MCF2L: variants seen among roughly 807,000 people sequenced by gnomAD.
The protein encoded by MCF2L is MCF.2 cell line derived transforming sequence like.
Under a neutral mutation model 153.4 loss-of-function variants are expected in MCF2L, and 97 were observed. That is an observed-to-expected ratio of 0.63 (90% CI 0.54 to 0.75). The LOEUF (loss-of-function observed/expected upper bound fraction) is 0.75, where lower values mean the gene tolerates loss of function less well. Ranked by LOEUF, MCF2L falls within the 30% of genes least tolerant of loss-of-function variation. The pLI is 0.00. For missense variants in MCF2L, 1,347 were observed against 1,495.2 expected (o/e 0.90, Z 1.64); for synonymous variants, 659 against 632.2 (o/e 1.04, Z -0.64).
chr13:112,900,848 TGGGGACTGACA>T (rs2081113149), intron 1 of MCF2L, among the ~76,000 whole-genome samples: 1 of 151,942 alleles, frequency 6.6e-6, no homozygotes, highest in South Asian at 2.1e-4. Flanking sequence ...CAAAGCTCCC[TGGGGACTGACA>T]GCAGTGGCCC....
In MCF2L at chr13:112,951,689, T is replaced by G. The variant is rs2081695836; in HGVS notation, c.169+49318T>G. On this transcript the variant is annotated intron_variant, in intron 2 of 29. Coordinates refer to the MCF2L transcript ENST00000375608. The surrounding 1 kb of genome is among the most constrained non-coding windows in gnomAD (Gnocchi z 4.8). Reference sequence around the variant, plus strand: ...GGGTGATCTGGGAGGAACATGGGTGTGTCCAGGAGGGGCCACAAGAGGGTC... The same window carrying G: ...GGGTGATCTGGGAGGAACATGGGTGGGTCCAGGAGGGGCCACAAGAGGGTC... Among the ~76,000 whole-genome samples the G allele has an allele frequency of 6.6e-6, 1 of 152,132 alleles. No individual in the cohort carries two copies. The highest frequency in any genetic ancestry group is 1.5e-5 in the Non-Finnish European group (1 of 68,032).
chr13:113,025,728 T>G (rs1290438381), intron 3 of MCF2L, among the ~76,000 whole-genome samples: 27 of 134,570 alleles, frequency 2.0e-4, no homozygotes, highest in East Asian at 5.3e-4. Flanking sequence ...AGAGTCCCTG[T>G]GAGATTTCAC....
At chr13:112,973,699 TC>T (rs1360082450) in intron 1 of MCF2L, among the ~76,000 whole-genome samples, 1 of 152,196 alleles carries the variant, frequency 6.6e-6, no homozygotes, top group African/African-American at 2.4e-5. Flanking sequence ...CCCGGGGGTT[TC>T]AGTTCCGGCC....
chr13:112,951,175 G>A lies in MCF2L; in HGVS notation c.169+48804G>A, dbSNP rs1008334227. Among the ~76,000 whole-genome samples the A allele has an allele frequency of 2.0e-5, 3 of 152,342 alleles. No homozygotes were observed. Among genetic ancestry groups the A allele is most frequent in the Non-Finnish European group, 2.9e-5 (2 of 68,028 alleles). On this transcript the variant is annotated intron_variant, in intron 2 of 29. Coordinates refer to the MCF2L transcript ENST00000375608. The surrounding 1 kb of genome is among the most constrained non-coding windows in gnomAD (Gnocchi z 4.8). ...TGGGTACCACTGCACACCCTCAGGAGAGCTAAGATAAAAGATAGTGCCAAC... is the reference window on the plus strand; with the variant it reads ...TGGGTACCACTGCACACCCTCAGGAAAGCTAAGATAAAAGATAGTGCCAAC...
intron 1 of MCF2L, chr13:112,985,142 G>A (rs551378847): frequency 6.0e-4 from 171 of 285,420 alleles, no homozygotes; most frequent in Non-Finnish European, 8.2e-4. Context: ...CCTCTCGGGC[G>A]GGCACGGTGT....
chr13:112,979,071 C>T (rs1160186926), intron 1 of MCF2L, among the ~76,000 whole-genome samples: 2 of 152,240 alleles, frequency 1.3e-5, no homozygotes, highest in Non-Finnish European at 2.9e-5. Flanking sequence ...TCTCCGGCCA[C>T]GCAAAGCAAC....
intron 3 of MCF2L, among the ~76,000 whole-genome samples, chr13:113,034,877 G>T (rs373365761): frequency 1.4e-4 from 21 of 146,830 alleles, no homozygotes; most frequent in Admixed American, 2.7e-4. Flanking sequence ...GGTGAGGAAG[G>T]TCTGCCCGAG....
At chr13:113,033,184 AGTGGACCCCGTGAC>A (rs1566772356) in intron 3 of MCF2L, among the ~76,000 whole-genome samples, 1 of 135,730 alleles carries the variant, frequency 7.4e-6, no homozygotes, top group African/African-American at 2.9e-5. Context: ...CCATGACGTG[AGTGGACCCCGTGAC>A]GTGAGTGGCC....
At chr13:112,984,484 C>A (rs1028483506) in intron 1 of MCF2L, among the ~76,000 whole-genome samples, 12 of 152,090 alleles carry the variant, frequency 7.9e-5, no homozygotes, top group Non-Finnish European at 1.3e-4. Context: ...GTGATCCGCC[C>A]GCCTCAGCCT....
intron 2 of MCF2L, among the ~76,000 whole-genome samples, chr13:112,920,744 C>T (rs1016831566): frequency 1.2e-4 from 18 of 151,554 alleles, no homozygotes; most frequent in Admixed American, 6.6e-5. Flanking sequence ...AGGGAGGACC[C>T]GACCGAGCTC....
intron 7 of MCF2L, 87 bp from the exon 8 acceptor site, chr13:113,065,959 C>G (rs2032295310): frequency 1.4e-6 from 2 of 1,436,258 alleles, no homozygotes; most frequent in African/African-American, 1.4e-5. Flanking sequence ...CCCGCCCCCT[C>G]AAGAGCAAGG....
chr13:113,001,977 G>C (rs751906125), intron 1 of MCF2L: 1 of 1,584,724 alleles, frequency 6.3e-7, no homozygotes, highest in South Asian at 1.1e-5. Flanking sequence ...GCTGAAGGCC[G>C]GCGCAGGTGC....
At chr13:113,049,359 G>A (rs1430576849) in intron 4 of MCF2L, among the ~76,000 whole-genome samples, 1 of 148,160 alleles carries the variant, frequency 6.7e-6, no homozygotes, top group East Asian at 2.1e-4. Flanking sequence ...GGGTGGTGGG[G>A]CTGGCGGGGA....
chr13:113,062,036 A>C (rs1245801666), intron 5 of MCF2L, among the ~76,000 whole-genome samples: 1 of 149,802 alleles, frequency 6.7e-6, no homozygotes, highest in Admixed American at 6.6e-5. Flanking sequence ...GGTGTTCTGC[A>C]TGGCACCCAT....
At chr13:112,913,963 G>C (rs2081262890) in intron 2 of MCF2L, among the ~76,000 whole-genome samples, 1 of 152,148 alleles carries the variant, frequency 6.6e-6, no homozygotes, top group Non-Finnish European at 1.5e-5. Context: ...CCCAATGCCT[G>C]CACCTCGAGT....
At chr13:112,989,754 T>C (rs2140968509) in intron 1 of MCF2L, among the ~76,000 whole-genome samples, 1 of 152,352 alleles carries the variant, frequency 6.6e-6, no homozygotes, top group Non-Finnish European at 1.5e-5. Flanking sequence ...CTTCCTGAGC[T>C]CTTAGACTCC....
At chr13:112,917,750 TTG>T (rs2081309719) in intron 2 of MCF2L, among the ~76,000 whole-genome samples, 1 of 152,188 alleles carries the variant, frequency 6.6e-6, no homozygotes, top group African/African-American at 2.4e-5. Flanking sequence ...GATGGGTAGT[TTG>T]TGTGTTTGTA....
chr13:113,018,461 G>A (rs2084671719), intron 2 of MCF2L, among the ~76,000 whole-genome samples: 1 of 152,180 alleles, frequency 6.6e-6, no homozygotes, highest in Non-Finnish European at 1.5e-5. Flanking sequence ...GATTATTCTT[G>A]TCCTTCCGGG....
rs1052943436 is a variant in MCF2L at position 113,031,138 on chromosome 13, CAGAGACAGAG to C, written c.278+6394_278+6403del. ...AGACAGAGAGTGACAGAGAGACAGACAGAGACAGAGAGAGACAGAGAGAAGAGACAGAGAG... is the reference window on the plus strand; with the variant it reads ...AGACAGAGAGTGACAGAGAGACAGACAGAGACAGAGAGAAGAGACAGAGAG... On this transcript the variant is annotated intron_variant, in intron 3 of 29. Coordinates refer to ENST00000535094, the MANE Select transcript of MCF2L (RefSeq NM_001112732.3). This position sits in a 1 kb window ranked among gnomAD's most constrained non-coding sequence, Gnocchi z 5.5. Among the ~76,000 whole-genome samples, 7 of 148,186 alleles carry C rather than the reference CAGAGACAGAG, an allele frequency of 4.7e-5. No homozygotes were observed. Among genetic ancestry groups the C allele is most frequent in the Non-Finnish European group, 7.4e-5 (5 of 67,300 alleles).
Sources: allele counts gnomAD v4.1 joint callset (sites outside exome capture counted in the v4.1 genomes callset), GRCh38; gene constraint gnomAD v4.1.1; non-coding constraint Gnocchi (gnomAD v3.1); transcripts MANE v1.5; gene names NCBI Gene and HGNC (gene_info 2026-07-23, HGNC 2026-07-21).